Variants in DCAF1 observed in about 807,000 individuals in gnomAD.
DCAF1 encodes the protein DDB1 and CUL4 associated factor 1.
A neutral mutation model predicts 128.0 loss-of-function variants in DCAF1; 15 were observed. The observed-to-expected ratio is 0.12, with a 90% confidence interval of 0.08 to 0.18. The LOEUF (loss-of-function observed/expected upper bound fraction) is 0.18. DCAF1 is among the 10% of genes least tolerant of loss of function. The probability of loss-of-function intolerance (pLI) is 1.00; values close to 1 mark genes in which losing one functional copy is unlikely to be tolerated. For synonymous variants in DCAF1, 610 were observed against 603.0 expected (o/e 1.01, Z -0.17); for missense variants, 988 against 1,649.5 (o/e 0.60, Z 6.95).
In DCAF1 at chr3:51,441,655, TCTG is replaced by T. The variant is rs1272879812; in HGVS notation, c.753_755del (p.Ser251del). 1.2e-6 allele frequency: 2 copies of T among 1,614,034 alleles called. No individual in the cohort carries two copies. The highest frequency in any genetic ancestry group is 8.5e-7 in the Non-Finnish European group (1 of 1,179,900). On this transcript the variant is annotated inframe_deletion, in exon 8 of 25. Transcript: ENST00000684031. ...CCTCAGGTTTGGTTGTTGAGTTCACTCTGCTACTAGTCTTGTGGCCTGAATCAA... is the reference window on the plus strand; with the variant it reads ...CCTCAGGTTTGGTTGTTGAGTTCACTCTACTAGTCTTGTGGCCTGAATCAA...
intron 3 of DCAF1, among the ~76,000 whole-genome samples, chr3:51,478,050 C>A (rs1553651338): frequency 6.6e-6 from 1 of 152,166 alleles, no homozygotes; most frequent in African/African-American, 2.4e-5. Context: ...CTTGCCCAGG[C>A]TGGAGTGTAG....
chr3:51,482,171 C>G (rs1706280879), intron 3 of DCAF1, among the ~76,000 whole-genome samples: 1 of 150,592 alleles, frequency 6.6e-6, no homozygotes, highest in Admixed American at 6.6e-5. Flanking sequence ...AGTAGGCCAG[C>G]ACTGTGGCTT....
At chr3:51,450,885 A>G (rs1200170149) in intron 6 of DCAF1, among the ~76,000 whole-genome samples, 2 of 152,020 alleles carry the variant, frequency 1.3e-5, no homozygotes, top group Non-Finnish European at 2.9e-5. Flanking sequence ...TTAGAGAGTA[A>G]GAAGTAAGAT....
Position 51,451,069 on chromosome 3 carries a change from CTTTTTTTTTTTTT to C in DCAF1, c.376-7179_376-7167del, listed in dbSNP as rs1167474829. Among the ~76,000 whole-genome samples, 130 of 27,108 alleles carry C rather than the reference CTTTTTTTTTTTTT, an allele frequency of 4.8e-3. 1 individual carries two copies. Among genetic ancestry groups the C allele is most frequent in the African/African-American group, 0.012 (93 of 7,740 alleles). 17.8% of individuals were successfully genotyped at this position (27,108 alleles called of 152,430 possible). A position where few individuals can be genotyped will look rare whatever the true frequency, so the allele number is the denominator to read the frequency against. On this transcript the variant is annotated intron_variant, in intron 6 of 24. Transcript: ENST00000684031. The stretch of plus-strand genomic sequence containing the variant: ...CAATGAACAATATAAAAAGGAAATT[CTTTTTTTTTTTTT>C]TTTTTTTTTTTTTTTTTTTTTTTAG...
chr3:51,445,279 A>T (rs1454931221), intron 6 of DCAF1, among the ~76,000 whole-genome samples: 1 of 152,206 alleles, frequency 6.6e-6, no homozygotes, highest in Non-Finnish European at 1.5e-5. Flanking sequence ...TTTTCTTGTT[A>T]AACTTTGTTA....
rs781794374 is a variant in DCAF1 at position 51,440,142 on chromosome 3, T to G, written c.1128+828A>C. 3.3e-5 allele frequency: 17 copies of G among 508,552 alleles called. 1 individual carries two copies. The highest frequency in any genetic ancestry group is 2.9e-4 in the Admixed American group (14 of 48,556). The allele number at this position is 508,552 out of a possible 1,614,324, so 31.5% of individuals were successfully genotyped here. On this transcript the variant is annotated intron_variant, in intron 9 of 24. Transcript: ENST00000684031. ...CTAGATTCACTTTTTATCTCAACGT[T>G]CAGCCTTTTAGATTAACACCTAAGT...
chr3:51,440,499 A>T (rs1444052965), intron 9 of DCAF1, among the ~76,000 whole-genome samples: 1 of 152,210 alleles, frequency 6.6e-6, no homozygotes, highest in Non-Finnish European at 1.5e-5. Flanking sequence ...TCAGCTACTC[A>T]GGAGGCTGAG....
chr3:51,429,121 A>T, intron 12 of DCAF1, 140 bp downstream of exon 12: 3 of 594,094 alleles, frequency 5.0e-6, no homozygotes, highest in Admixed American at 5.8e-5. Context: ...CCATTTTTCA[A>T]TTGTTCTGCC....
intron 3 of DCAF1, among the ~76,000 whole-genome samples, chr3:51,479,069 C>G (rs1553651708): frequency 6.6e-6 from 1 of 152,166 alleles, no homozygotes; most frequent in African/African-American, 2.4e-5. Flanking sequence ...CCTTAGAAAA[C>G]CCATGAGCAC....
At position 51,414,537 on chromosome 3, in the gene DCAF1, C is replaced by A. The variant is rs914219464; in HGVS notation, c.3837+87G>T. 2.0e-6 allele frequency: 3 copies of A among 1,526,446 alleles called. No individual in the cohort carries two copies. The Admixed American group carries it at 5.9e-5, about 30-fold the overall frequency. The allele number at this position is 1,526,446 out of a possible 1,614,324, so 94.6% of individuals were successfully genotyped here. A position where few individuals can be genotyped will look rare whatever the true frequency, so the allele number is the denominator to read the frequency against. On this transcript the variant is annotated intron_variant, in intron 19 of 24. Transcript: ENST00000684031. The stretch of plus-strand genomic sequence containing the variant: ...TTATTACCAGTGTGGACACTTTAAC[C>A]AGGTATTGGTATAAAGATAGAACAA...
intron 2 of DCAF1, among the ~76,000 whole-genome samples, chr3:51,484,119 A>G (rs1455454595): frequency 6.6e-6 from 1 of 152,144 alleles, no homozygotes; most frequent in African/African-American, 2.4e-5. Context: ...AGTGATTCTT[A>G]ACCTTTTGAG....
intron 6 of DCAF1, among the ~76,000 whole-genome samples, chr3:51,451,634 T>C (rs1577190405): frequency 6.6e-6 from 1 of 151,924 alleles, no homozygotes; most frequent in African/African-American, 2.4e-5. Flanking sequence ...TGGTGGCAGG[T>C]GCATGTAATC....
rs782403331 is a variant in DCAF1 at position 51,441,937 on chromosome 3, A to T, written c.514-40T>A. 1.9e-6 allele frequency: 3 copies of T among 1,540,850 alleles called. No homozygotes were observed. In the South Asian group the frequency reaches 3.8e-5, roughly 19 times the overall value. ...TTGGAGAAAAAGGGGGTGCCTCTTTATTAAGGATTAAGTAATCCTTAATAA... is the reference window on the plus strand; with the variant it reads ...TTGGAGAAAAAGGGGGTGCCTCTTTTTTAAGGATTAAGTAATCCTTAATAA... On this transcript the variant is annotated intron_variant, in intron 7 of 24. Transcript: ENST00000684031.
intron 19 of DCAF1, 94 bp downstream of exon 19, chr3:51,414,530 C>A: frequency 6.6e-7 from 1 of 1,512,864 alleles, no homozygotes; most frequent in Non-Finnish European, 8.9e-7. Flanking sequence ...AGTGTGGACA[C>A]TTTAACCAGG....
chr3:51,465,975 G>A (rs1345422597), intron 5 of DCAF1, among the ~76,000 whole-genome samples: 4 of 152,108 alleles, frequency 2.6e-5, no homozygotes, highest in Non-Finnish European at 5.9e-5. Context: ...AAGGTGGGTG[G>A]ATAACTTGAG....
intron 4 of DCAF1, 50 bp downstream of exon 4, chr3:51,470,879 G>T: frequency 7.5e-7 from 1 of 1,335,332 alleles, no homozygotes; most frequent in Non-Finnish European, 1.0e-6. Flanking sequence ...TTTAATAAAA[G>T]TGTCTTAAAA....
intron 19 of DCAF1, 25 bp downstream of exon 19, chr3:51,414,599 G>A: frequency 1.2e-6 from 2 of 1,604,122 alleles, no homozygotes; most frequent in East Asian, 2.2e-5. Context: ...ACAAATGGAA[G>A]GTAAGACATG....
chr3:51,484,811 T>C (rs1408532172), intron 2 of DCAF1, among the ~76,000 whole-genome samples: 1 of 149,386 alleles, frequency 6.7e-6, no homozygotes, highest in African/African-American at 2.5e-5. Flanking sequence ...GCCTCCCGAG[T>C]AGCTGGAATT....
At chr3:51,455,185 T>C (rs1365812028) in intron 6 of DCAF1, among the ~76,000 whole-genome samples, 2 of 152,208 alleles carry the variant, frequency 1.3e-5, no homozygotes, top group African/African-American at 4.8e-5. Context: ...AGAGATCTTC[T>C]AGTATTAGCT....
Sources: gnomAD v4.1 joint callset for allele counts (sites outside exome capture counted in the v4.1 genomes callset) on GRCh38, gnomAD v4.1.1 for gene constraint, MANE v1.5 for transcripts, NCBI Gene and HGNC (gene_info 2026-07-23, HGNC 2026-07-21) for gene names.